PXN: variants seen among roughly 807,000 people sequenced by gnomAD.
The protein encoded by PXN is paxillin, also known as testicular tissue protein Li 134.
In PXN, 61 loss-of-function variants were observed where a neutral mutation model predicts 103.6. The observed-to-expected ratio is 0.59, with a 90% confidence interval of 0.48 to 0.73. The LOEUF (loss-of-function observed/expected upper bound fraction) is 0.73, where lower values mean the gene tolerates loss of function less well. Among genes scored for constraint, PXN ranks in the 30% least tolerant of loss-of-function variants. PXN has a pLI of 0.00. For synonymous variants in PXN, 562 were observed against 607.8 expected, an observed-to-expected ratio of 0.92 and a Z score of 1.11; for missense variants, 1,274 against 1,460.3, an observed-to-expected ratio of 0.87 and a Z score of 2.08.
rs142134495 is a variant in PXN, at chr12:120,222,067, G to A, written c.696-309C>T. Among the ~76,000 whole-genome samples the A allele has an allele frequency of 2.2e-4, 34 of 152,310 alleles. No homozygotes were observed. The highest frequency in any genetic ancestry group is 7.2e-4 in the African/African-American group (30 of 41,564). ...GGAGGTGAGGCTACTGCAGTAACAC[G>A]ACGGCACTGGTAAGAGCTCGCGTGT... On this transcript the variant is annotated intron_variant, in intron 5 of 14. Coordinates refer to ENST00000637617, the MANE Select transcript of PXN (RefSeq NM_001385981.1). This position sits in a 1 kb window ranked among gnomAD's most constrained non-coding sequence, Gnocchi z 4.7.
Position 120,224,249 on chromosome 12 carries a change from G to GGGGTGGCACGGC in PXN, c.130_141dup (p.Ala44_Pro47dup). ...TCGCTGGACGGGGGTGGGGGGACGGGGGGTGGCACGGCAATCTCCTGGTAT... is the reference window on the plus strand; with the variant it reads ...TCGCTGGACGGGGGTGGGGGGACGGGGGGTGGCACGGCGGGTGGCACGGCAATCTCCTGGTAT... On this transcript the variant is annotated inframe_insertion, in exon 2 of 15. Transcript: ENST00000637617. This position sits in a 1 kb window ranked among gnomAD's most constrained non-coding sequence, Gnocchi z 5.0. 1 of 1,613,178 alleles carries GGGGTGGCACGGC rather than the reference G, an allele frequency of 6.2e-7. No homozygotes were observed. The highest frequency in any genetic ancestry group is 8.5e-7 in the Non-Finnish European group (1 of 1,179,194).
chr12:120,213,899 C>A lies in PXN; in HGVS notation c.2922G>T (p.Leu974=). ...PKCGGCARAI[L]ENYISALNTL... ...TGTTGAGGGCTGAGATATAGTTCTC[C>A]AGGATGGCCCGGGCGCAGCCGCCAC... Residue 974 remains leucine (L), a synonymous_variant, in exon 14 of 15, where the codon CTG becomes CTT. Coordinates refer to ENST00000637617, the MANE Select transcript of PXN (RefSeq NM_001385981.1). The surrounding 1 kb of genome is among the most constrained non-coding windows in gnomAD (Gnocchi z 4.2). The A allele has an allele frequency of 6.2e-7, 1 of 1,611,128 alleles. No homozygotes were observed. The highest frequency in any genetic ancestry group is 1.1e-5 in the South Asian group (1 of 90,358).
rs1055599711 is a variant in PXN, at chr12:120,265,680, G to A, written c.-51C>T. 1.2e-5 allele frequency: 17 copies of A among 1,430,598 alleles called. No homozygotes were observed. Among genetic ancestry groups the A allele is most frequent in the Middle Eastern group, 2.3e-4 (1 of 4,264 alleles). 88.6% of individuals were successfully genotyped at this position (1,430,598 alleles called of 1,614,324 possible). On this transcript the variant is annotated 5_prime_UTR_variant, in exon 1 of 15. Transcript: ENST00000637617. The surrounding 1 kb of genome is among the most constrained non-coding windows in gnomAD (Gnocchi z 5.7). ...GGTCGCGCTAGCTGCCCGTCCCGGG[G>A]CCGCTCGTCTATGCCCCGCAACTTT...
intron 1 of PXN, among the ~76,000 whole-genome samples, chr12:120,246,872 G>GA (rs1891259108): frequency 7.0e-6 from 1 of 143,128 alleles, no homozygotes; most frequent in Non-Finnish European, 1.6e-5. Flanking sequence ...AAAAAAAAAA[G>GA]AAAAATGTAG....
At position 120,228,323 on chromosome 12, in the gene PXN, A is replaced by G. The variant is rs957383527; in HGVS notation, c.14-3946T>C. Among the ~76,000 whole-genome samples, 4 of 152,172 alleles carry G rather than the reference A, an allele frequency of 2.6e-5. No homozygotes were observed. The highest frequency in any genetic ancestry group is 9.7e-5 in the African/African-American group (4 of 41,442). ...CCCAACCACTTTCTGGAGGAAACCCACCCTGAATTCTGCAGGTTTTCTGTC... is the reference window on the plus strand; with the variant it reads ...CCCAACCACTTTCTGGAGGAAACCCGCCCTGAATTCTGCAGGTTTTCTGTC... On this transcript the variant is annotated intron_variant, in intron 1 of 14. Transcript: ENST00000637617. The surrounding 1 kb of genome is among the most constrained non-coding windows in gnomAD (Gnocchi z 4.7).
At chr12:120,264,001 C>T (rs1396761127) in intron 1 of PXN, among the ~76,000 whole-genome samples, 2 of 152,128 alleles carry the variant, frequency 1.3e-5, no homozygotes, top group Non-Finnish European at 2.9e-5. Flanking sequence ...CCCCCAGCCT[C>T]CTTCCAGCTG....
intron 1 of PXN, among the ~76,000 whole-genome samples, chr12:120,245,787 C>CAAAAAAAAA (rs1267541953): frequency 2.2e-5 from 1 of 45,168 alleles, no homozygotes; most frequent in Admixed American, 2.1e-4. Flanking sequence ...GACTCCATCT[C>CAAAAAAAAA]AAAAAAAAAA....
chr12:120,222,120 T>C lies in PXN; in HGVS notation c.696-362A>G, dbSNP rs1350859615. ...GGCACTCACCATGTGTGCCACGCAC[T>C]ACACACCAGAAACCATTCCAAGCGC... On this transcript the variant is annotated intron_variant, in intron 5 of 14. Transcript: ENST00000637617. The surrounding 1 kb of genome is among the most constrained non-coding windows in gnomAD (Gnocchi z 4.7). Among the ~76,000 whole-genome samples, 1 of 152,206 alleles carries C rather than the reference T, an allele frequency of 6.6e-6. No individual in the cohort carries two copies. Among genetic ancestry groups the C allele is most frequent in the East Asian group, 1.9e-4 (1 of 5,196 alleles).
Position 120,215,930 on chromosome 12 carries a change from C to G in PXN, c.2302-269G>C, listed in dbSNP as rs56662064. The G allele has an allele frequency of 1.5e-5, 21 of 1,384,250 alleles. No individual in the cohort carries two copies. The African/African-American group carries it at 1.9e-4, about 13-fold the overall frequency. The allele number at this position is 1,384,250 out of a possible 1,614,324, so 85.7% of individuals were successfully genotyped here. ...GCCGGGCTCAGTGATGAGGCCTCAC[C>G]GGGCGCTGGGCCTGGGGGCTGGAAG... On this transcript the variant is annotated intron_variant, in intron 9 of 14. Coordinates refer to ENST00000637617, the MANE Select transcript of PXN (RefSeq NM_001385981.1). This position sits in a 1 kb window ranked among gnomAD's most constrained non-coding sequence, Gnocchi z 4.9.
intron 1 of PXN, among the ~76,000 whole-genome samples, chr12:120,242,923 T>C (rs1890404592): frequency 6.6e-6 from 1 of 150,466 alleles, no homozygotes; most frequent in Non-Finnish European, 1.5e-5. Flanking sequence ...GGATAACAGA[T>C]GCCCCAAAGG....
chr12:120,213,307 C>T lies in PXN; in HGVS notation c.2979+535G>A, dbSNP rs1321933764. Among the ~76,000 whole-genome samples, 1 of 152,296 alleles carries T rather than the reference C, an allele frequency of 6.6e-6. No homozygotes were observed. The highest frequency in any genetic ancestry group is 2.1e-4 in the South Asian group (1 of 4,828). On this transcript the variant is annotated intron_variant, in intron 14 of 14. Coordinates refer to ENST00000637617, the MANE Select transcript of PXN (RefSeq NM_001385981.1). This position sits in a 1 kb window ranked among gnomAD's most constrained non-coding sequence, Gnocchi z 4.2. Reference sequence around the variant, plus strand: ...AGGCGGGAGAATCACTGGAACTCAGCAGGCAGAGGTTGCAGTCAGCCAAGA... The same window carrying T: ...AGGCGGGAGAATCACTGGAACTCAGTAGGCAGAGGTTGCAGTCAGCCAAGA...
intron 1 of PXN, among the ~76,000 whole-genome samples, chr12:120,260,587 G>T (rs11831552): frequency 2.0e-5 from 3 of 151,844 alleles, no homozygotes; most frequent in African/African-American, 7.3e-5. Context: ...GAATAGGGTG[G>T]GTGCAGAAAA....
chr12:120,237,463 G>T (rs956848621), intron 1 of PXN, among the ~76,000 whole-genome samples: 2 of 152,064 alleles, frequency 1.3e-5, no homozygotes, highest in Admixed American at 6.5e-5. Flanking sequence ...AGCCCCACCC[G>T]CATGTGTTCC....
rs1173454747 is a variant in PXN at position 120,210,761 on chromosome 12, G to C, written c.*1553C>G. 1 of 152,750 alleles carries C rather than the reference G, an allele frequency of 6.5e-6. No homozygotes were observed. Among genetic ancestry groups the C allele is most frequent in the Non-Finnish European group, 1.5e-5 (1 of 68,184 alleles). 9.5% of individuals were successfully genotyped at this position (152,750 alleles called of 1,614,324 possible). A position where few individuals can be genotyped will look rare whatever the true frequency, so the allele number is the denominator to read the frequency against. ...CGGCTTCTGCCAGGAGGCCAGTGGAGTGGTTTGGACTGTCACCATTAGACC... is the reference window on the plus strand; with the variant it reads ...CGGCTTCTGCCAGGAGGCCAGTGGACTGGTTTGGACTGTCACCATTAGACC... On this transcript the variant is annotated 3_prime_UTR_variant, in exon 15 of 15. Coordinates refer to ENST00000637617, the MANE Select transcript of PXN (RefSeq NM_001385981.1).
Position 120,222,733 on chromosome 12 carries a change from G to A in PXN, c.511C>T (p.Pro171Ser), listed in dbSNP as rs759679585. 11 of 1,606,726 alleles carry A rather than the reference G, an allele frequency of 6.8e-6. No homozygotes were observed. In the East Asian group the frequency reaches 2.5e-4, roughly 36 times the overall value. ...GFPADEANSSPPLPGALSPLY... is the reference protein window; with the variant it reads ...GFPADEANSSSPLPGALSPLY... The stretch of plus-strand genomic sequence containing the variant: ...GGGCTCAGGGCCCCAGGAAGCGGGG[G>A]GCTTGAGTTGGCCTCATCTTGCAGA... The change falls in exon 5 of 15, where the codon CCC (proline) becomes TCC (serine). Residue 171 changes from proline to serine, a missense_variant. Physicochemically the swap from Pro to Ser is moderately conservative, Grantham distance 74. Around this residue, in one of 2 missense-constraint regions of PXN, gnomAD observed 1,178 missense variants for 1,309.0 expected, o/e 0.90. Coordinates refer to ENST00000637617, the MANE Select transcript of PXN (RefSeq NM_001385981.1). The surrounding 1 kb of genome is among the most constrained non-coding windows in gnomAD (Gnocchi z 4.7).
chr12:120,216,829 T>A lies in PXN; in HGVS notation c.1992+12A>T. ...TCTGGCCCAGCCCCAGCCATGGGCA[T>A]CTCCTCGCCACCTTCTCTACGAGCT... is the stretch of plus-strand genomic sequence containing the variant. On this transcript the variant is annotated intron_variant, in intron 8 of 14. Transcript: ENST00000637617. This position sits in a 1 kb window ranked among gnomAD's most constrained non-coding sequence, Gnocchi z 5.1. 2 of 1,545,228 alleles carry A rather than the reference T, an allele frequency of 1.3e-6. No homozygotes were observed. Among genetic ancestry groups the A allele is most frequent in the East Asian group, 2.3e-5 (1 of 43,596 alleles).
At position 120,212,617 on chromosome 12, in the gene PXN, TC is replaced by T; in HGVS notation, c.2980-38del. The T allele has an allele frequency of 6.3e-7, 1 of 1,594,384 alleles. No homozygotes were observed. The highest frequency in any genetic ancestry group is 8.5e-7 in the Non-Finnish European group (1 of 1,170,710). On this transcript the variant is annotated intron_variant, in intron 14 of 14. Coordinates refer to ENST00000637617, the MANE Select transcript of PXN (RefSeq NM_001385981.1). The surrounding 1 kb of genome is among the most constrained non-coding windows in gnomAD (Gnocchi z 7.2). ...AGAGAGGGGCTCAGGGAGCTGCCCC[TC>T]GGGCTAGAGCTGCACCCTGTGTGAT...
At chr12:120,238,903 C>T (rs1480373259) in intron 1 of PXN, among the ~76,000 whole-genome samples, 2 of 152,182 alleles carry the variant, frequency 1.3e-5, no homozygotes, top group Non-Finnish European at 2.9e-5. Context: ...TTGGACGCTC[C>T]TAAGCTAAAC....
intron 1 of PXN, among the ~76,000 whole-genome samples, chr12:120,227,951 T>C (rs746865469): frequency 1.3e-5 from 2 of 152,150 alleles, no homozygotes; most frequent in Non-Finnish European, 2.9e-5. Context: ...AGGAGTCCAC[T>C]TGAAGGCAGA....
Sources: allele counts gnomAD v4.1 joint callset (sites outside exome capture counted in the v4.1 genomes callset), GRCh38; gene constraint gnomAD v4.1.1; regional missense constraint gnomAD v4.1.1; non-coding constraint Gnocchi (gnomAD v3.1); transcripts MANE v1.5; gene names NCBI Gene and HGNC (gene_info 2026-07-23, HGNC 2026-07-21).